The following PPP2R2C variants were observed in gnomAD, a reference collection of about 807,000 sequenced individuals.
The protein encoded by PPP2R2C is protein phosphatase 2, regulatory subunit B, gamma.
In PPP2R2C, 10 loss-of-function variants were observed where a neutral mutation model predicts 45.3. The observed-to-expected ratio is 0.22, with a 90% CI of 0.14 to 0.37. PPP2R2C has a LOEUF of 0.37. PPP2R2C is among the 10% of genes least tolerant of loss of function. The probability of loss-of-function intolerance (pLI) is 1.00; values close to 1 mark genes in which losing one functional copy is unlikely to be tolerated. For missense variants in PPP2R2C, 308 were observed against 619.7 expected (o/e 0.50, Z 5.34); for synonymous variants, 257 against 245.4 (o/e 1.05, Z -0.44).
chr4:6,494,675 G>A (rs996762848), intron 2 of PPP2R2C, among the ~76,000 whole-genome samples: 4 of 152,162 alleles, frequency 2.6e-5, no homozygotes, highest in East Asian at 3.9e-4. Flanking sequence ...TGGGAGCCCC[G>A]GGCACAGGGA....
chr4:6,503,547 G>A (rs1322069171), intron 2 of PPP2R2C, among the ~76,000 whole-genome samples: 2 of 152,088 alleles, frequency 1.3e-5, no homozygotes, highest in African/African-American at 2.4e-5. Context: ...CCCTGTGAAC[G>A]GTAGCCCTTG....
At chr4:6,371,568 A>C (rs999330147) in intron 5 of PPP2R2C, among the ~76,000 whole-genome samples, 8 of 152,092 alleles carry the variant, frequency 5.3e-5, no homozygotes, top group African/African-American at 1.9e-4. Context: ...TCCTCCACAA[A>C]GGGCAGTGTG....
At chr4:6,450,343 TC>T (rs1275326900) in intron 1 of PPP2R2C, among the ~76,000 whole-genome samples, 1 of 152,178 alleles carries the variant, frequency 6.6e-6, no homozygotes, top group East Asian at 1.9e-4. Flanking sequence ...CCCTCGCTGG[TC>T]CTCAGTGCCT....
chr4:6,496,321 G>A (rs889349824), intron 2 of PPP2R2C, among the ~76,000 whole-genome samples: 2 of 152,120 alleles, frequency 1.3e-5, no homozygotes, highest in African/African-American at 4.8e-5. Flanking sequence ...TCAGACCAAA[G>A]AATCATCCCA....
chr4:6,352,457 T>A (rs1031067725), intron 5 of PPP2R2C, among the ~76,000 whole-genome samples: 4 of 152,318 alleles, frequency 2.6e-5, no homozygotes, highest in African/African-American at 7.2e-5. Context: ...ACAAGCATAA[T>A]TAGGCTCATT....
chr4:6,469,573 G>A (rs1194337732), intron 1 of PPP2R2C, among the ~76,000 whole-genome samples: 1 of 152,154 alleles, frequency 6.6e-6, no homozygotes, highest in East Asian at 1.9e-4. Flanking sequence ...TTTGATATTA[G>A]CAAAATCACT....
At chr4:6,334,067 G>A (rs762211454) in intron 6 of PPP2R2C, among the ~76,000 whole-genome samples, 2 of 152,164 alleles carry the variant, frequency 1.3e-5, no homozygotes, top group Admixed American at 6.5e-5. Context: ...CCCCCTACTG[G>A]TGATGCTGAA....
rs958488250 is a variant in PPP2R2C, at chr4:6,330,555, G to A, written c.961-1202C>T. Among the ~76,000 whole-genome samples the A allele has an allele frequency of 6.6e-6, 1 of 152,138 alleles. No homozygotes were observed. Among genetic ancestry groups the A allele is most frequent in the African/African-American group, 2.4e-5 (1 of 41,410 alleles). On this transcript the variant is annotated intron_variant, in intron 7 of 8. Coordinates refer to ENST00000382599, the MANE Select transcript of PPP2R2C (RefSeq NM_020416.4). The surrounding 1 kb of genome is among the most constrained non-coding windows in gnomAD (Gnocchi z 7.0). The stretch of plus-strand genomic sequence containing the variant: ...AAAGACAGACCTCCCTGAGGACCGG[G>A]GGATTCCGCTAACAGATGCGTGTGG...
At chr4:6,448,462 A>G (rs1179553271) in intron 1 of PPP2R2C, among the ~76,000 whole-genome samples, 3 of 151,748 alleles carry the variant, frequency 2.0e-5, no homozygotes, top group Non-Finnish European at 4.4e-5. Context: ...GGCCGGCCCC[A>G]CCTCCAGAGA....
At chr4:6,531,177 G>A (rs567490137) in intron 2 of PPP2R2C, among the ~76,000 whole-genome samples, 2 of 152,344 alleles carry the variant, frequency 1.3e-5, no homozygotes, top group African/African-American at 4.8e-5. Context: ...TGAGACAGCC[G>A]GCACCGCTCT....
chr4:6,367,808 C>A (rs1286041864), intron 5 of PPP2R2C, among the ~76,000 whole-genome samples: 1 of 152,200 alleles, frequency 6.6e-6, no homozygotes, highest in African/African-American at 2.4e-5. Flanking sequence ...ACCAGGTGCA[C>A]TGAGGTTCCC....
chr4:6,359,356 A>C (rs932535617), intron 5 of PPP2R2C, among the ~76,000 whole-genome samples: 10 of 152,022 alleles, frequency 6.6e-5, no homozygotes, highest in African/African-American at 2.2e-4. Context: ...GGAGTGGGGG[A>C]ATGGAGGAGG....
chr4:6,412,195 C>T (rs532229003), intron 1 of PPP2R2C, among the ~76,000 whole-genome samples: 1 of 152,276 alleles, frequency 6.6e-6, no homozygotes, highest in African/African-American at 2.4e-5. Context: ...TTTAAAAAGA[C>T]CTTCTCTTAA....
At chr4:6,517,689 C>T (rs1723867308) in intron 2 of PPP2R2C, among the ~76,000 whole-genome samples, 1 of 152,212 alleles carries the variant, frequency 6.6e-6, no homozygotes, top group Non-Finnish European at 1.5e-5. Flanking sequence ...TCCCCTGATG[C>T]ACCTCTTCCT....
At chr4:6,548,282 G>C (rs1250886857) in intron 1 of PPP2R2C, among the ~76,000 whole-genome samples, 1 of 152,088 alleles carries the variant, frequency 6.6e-6, no homozygotes, top group Non-Finnish European at 1.5e-5. Flanking sequence ...CTGTTAGGAT[G>C]GCTAACACTC....
At chr4:6,391,071 T>C (rs1194363187) in intron 1 of PPP2R2C, among the ~76,000 whole-genome samples, 1 of 151,980 alleles carries the variant, frequency 6.6e-6, no homozygotes, top group Non-Finnish European at 1.5e-5. Context: ...AAGGGGCTGG[T>C]GGGAGTATTT....
chr4:6,433,227 G>T (rs1719718410), intron 1 of PPP2R2C, among the ~76,000 whole-genome samples: 1 of 152,114 alleles, frequency 6.6e-6, no homozygotes, highest in African/African-American at 2.4e-5. Context: ...GGTCTGCTCT[G>T]TTGCTGAATG....
At chr4:6,513,782 G>A (rs971632562) in intron 2 of PPP2R2C, among the ~76,000 whole-genome samples, 1 of 152,212 alleles carries the variant, frequency 6.6e-6, no homozygotes, top group Non-Finnish European at 1.5e-5. Flanking sequence ...GGGGTGGTGG[G>A]CAGGCCAGGG....
At chr4:6,410,224 G>A (rs1718071524) in intron 1 of PPP2R2C, among the ~76,000 whole-genome samples, 2 of 152,218 alleles carry the variant, frequency 1.3e-5, no homozygotes, top group African/African-American at 2.4e-5. Flanking sequence ...GCTCGAGTCT[G>A]CTGGAGTAGT....
Sources: gnomAD v4.1 joint callset for allele counts (sites outside exome capture counted in the v4.1 genomes callset) on GRCh38, gnomAD v4.1.1 for gene constraint, Gnocchi (gnomAD v3.1) non-coding constraint, MANE v1.5 for transcripts, NCBI Gene and HGNC (gene_info 2026-07-23, HGNC 2026-07-21) for gene names.